Variants in PKN2 observed in about 807,000 individuals in gnomAD.
PKN2 encodes serine/threonine-protein kinase N2.
In PKN2, 38 loss-of-function variants were observed where a neutral mutation model predicts 119.1. That is an observed-to-expected ratio of 0.32 (90% CI 0.25 to 0.42). The LOEUF (loss-of-function observed/expected upper bound fraction) is 0.42. PKN2 is among the 10% of genes least tolerant of loss of function. PKN2 has a pLI of 1.00. For synonymous variants in PKN2, 390 were observed against 384.9 expected (o/e 1.01, Z -0.15); for missense variants, 850 against 1,165.1 (o/e 0.73, Z 3.94).
chr1:88,833,690 A>G lies in PKN2; in HGVS notation c.*242A>G, dbSNP rs141963409. ...TTCATGGAGTTTAAGTTGAGTGAAC[A>G]TCGGCCATGAAAATCCATCACGAAT... is the stretch of plus-strand genomic sequence containing the variant. On this transcript the variant is annotated 3_prime_UTR_variant, in exon 22 of 22. Coordinates refer to ENST00000370521, the MANE Select transcript of PKN2 (RefSeq NM_006256.4). 7.3e-4 allele frequency: 307 copies of G among 420,270 alleles called. No individual in the cohort carries two copies. Among genetic ancestry groups the G allele is most frequent in the African/African-American group, 5.6e-3 (272 of 48,692 alleles). The allele number at this position is 420,270 out of a possible 1,614,324, so 26.0% of individuals were successfully genotyped here.
intron 1 of PKN2, among the ~76,000 whole-genome samples, chr1:88,728,034 T>TC (rs1553149304): frequency 2.1e-5 from 3 of 145,274 alleles, no homozygotes; most frequent in East Asian, 3.9e-4. Flanking sequence ...TTTTTTTTTT[T>TC]ATTCTTTGGT....
intron 1 of PKN2, among the ~76,000 whole-genome samples, chr1:88,687,920 C>G (rs1161082923): frequency 6.6e-6 from 1 of 152,140 alleles, no homozygotes; most frequent in African/African-American, 2.4e-5. Context: ...AGACATTGTA[C>G]TTAGTGTCCT....
At chr1:88,775,971 G>A (rs1348724962) in intron 6 of PKN2, among the ~76,000 whole-genome samples, 1 of 151,986 alleles carries the variant, frequency 6.6e-6, no homozygotes, top group Non-Finnish European at 1.5e-5. Context: ...AGCCGGGCGT[G>A]GTGGCAGGCC....
intron 2 of PKN2, among the ~76,000 whole-genome samples, chr1:88,753,146 TA>T (rs1280305012): frequency 6.6e-6 from 1 of 152,232 alleles, no homozygotes; most frequent in Non-Finnish European, 1.5e-5. Context: ...CCCTAGCTTA[TA>T]TTTTACTGTC....
At chr1:88,736,609 C>A (rs1046749199) in intron 1 of PKN2, among the ~76,000 whole-genome samples, 6 of 152,208 alleles carry the variant, frequency 3.9e-5, no homozygotes, top group African/African-American at 1.4e-4. Flanking sequence ...AGGTAATCCA[C>A]CCACCTTAGC....
chr1:88,706,982 A>C (rs1411626068), intron 1 of PKN2, among the ~76,000 whole-genome samples: 6 of 151,712 alleles, frequency 4.0e-5, no homozygotes, highest in Non-Finnish European at 2.9e-5. Context: ...TGTTTTGGGA[A>C]CCATTGTTTT....
At chr1:88,775,131 A>G (rs1670042938) in intron 6 of PKN2, among the ~76,000 whole-genome samples, 1 of 150,976 alleles carries the variant, frequency 6.6e-6, no homozygotes, top group Non-Finnish European at 1.5e-5. Flanking sequence ...CGCTCAGCTT[A>G]TTTTATTTTT....
intron 17 of PKN2, among the ~76,000 whole-genome samples, chr1:88,822,294 C>T (rs754983707): frequency 5.3e-5 from 8 of 152,102 alleles, no homozygotes; most frequent in African/African-American, 1.9e-4. Context: ...TGCATTCAAA[C>T]GACTCATTGC....
chr1:88,813,388 TTAGG>T (rs1671857042), intron 15 of PKN2, among the ~76,000 whole-genome samples, 165 bp from the exon 16 acceptor site: 1 of 152,178 alleles, frequency 6.6e-6, no homozygotes, highest in South Asian at 2.1e-4. Flanking sequence ...GTTATTTATT[TTAGG>T]TAGGTCAGTT....
chr1:88,815,320 C>A, intron 16 of PKN2: 1 of 201,224 alleles, frequency 5.0e-6, no homozygotes, highest in South Asian at 7.0e-5. Context: ...AAGTACCTCC[C>A]TTTATCATTC....
In PKN2 at chr1:88,794,662, C is replaced by T. The variant is rs576391728; in HGVS notation, c.1281+8449C>T. On this transcript the variant is annotated intron_variant, in intron 8 of 21. Coordinates refer to ENST00000370521, the MANE Select transcript of PKN2 (RefSeq NM_006256.4). Reference sequence around the variant, plus strand: ...CTTGTACATAATGGTATTCAGTAAACGATAGCTCTTGTTATTGTTTTTCTT... The same window carrying T: ...CTTGTACATAATGGTATTCAGTAAATGATAGCTCTTGTTATTGTTTTTCTT... Among the ~76,000 whole-genome samples the T allele has an allele frequency of 3.9e-5, 6 of 152,202 alleles. No individual in the cohort carries two copies. The South Asian group carries it at 1.0e-3, about 26-fold the overall frequency.
At chr1:88,692,478 A>G (rs1226383164) in intron 1 of PKN2, among the ~76,000 whole-genome samples, 3 of 152,212 alleles carry the variant, frequency 2.0e-5, no homozygotes, top group Non-Finnish European at 4.4e-5. Context: ...TATTCATATT[A>G]GCAATATATG....
At position 88,828,461 on chromosome 1, in the gene PKN2, T is replaced by G; in HGVS notation, c.2420-20T>G. The G allele has an allele frequency of 6.4e-7, 1 of 1,569,928 alleles. No individual in the cohort carries two copies. Among genetic ancestry groups the G allele is most frequent in the Non-Finnish European group, 8.7e-7 (1 of 1,150,820 alleles). ...ATTTGTTTTCTTTGCTAACAAATGT[T>G]TACATTTTATCTTTTCCAGGAATGG... On this transcript the variant is annotated intron_variant, in intron 18 of 21. Coordinates refer to ENST00000370521, the MANE Select transcript of PKN2 (RefSeq NM_006256.4).
chr1:88,771,915 T>C, intron 6 of PKN2, 36 bp downstream of exon 6: 2 of 1,425,536 alleles, frequency 1.4e-6, no homozygotes, highest in Non-Finnish European at 2.0e-6. Flanking sequence ...TTGTGTGTAT[T>C]TTTGTCTATA....
At chr1:88,773,024 C>A (rs138404753) in intron 6 of PKN2, among the ~76,000 whole-genome samples, 1 of 152,056 alleles carries the variant, frequency 6.6e-6, no homozygotes, top group Non-Finnish European at 1.5e-5. Context: ...ATCTTCTAGA[C>A]GGATTGACTC....
At chr1:88,771,338 A>G (rs1395240029) in intron 4 of PKN2, 83 bp from the exon 5 acceptor site, 1 of 961,662 alleles carries the variant, frequency 1.0e-6, no homozygotes, top group African/African-American at 1.7e-5. Flanking sequence ...TGTTATAGGA[A>G]TTCATTTCTT....
At chr1:88,706,487 A>T (rs911458792) in intron 1 of PKN2, among the ~76,000 whole-genome samples, 1 of 152,108 alleles carries the variant, frequency 6.6e-6, no homozygotes, top group South Asian at 2.1e-4. Context: ...GCTTGGTTGC[A>T]CTGGCTATGA....
intron 1 of PKN2, among the ~76,000 whole-genome samples, chr1:88,732,003 AT>A (rs1668159984): frequency 6.6e-6 from 1 of 152,246 alleles, no homozygotes; most frequent in Non-Finnish European, 1.5e-5. Flanking sequence ...TACCAAATAC[AT>A]ATTATCACAT....
In PKN2 at chr1:88,815,985, C is replaced by G. The variant is rs530208536; in HGVS notation, c.2279+2252C>G. On this transcript the variant is annotated intron_variant, in intron 16 of 21. Transcript: ENST00000370521. The stretch of plus-strand genomic sequence containing the variant: ...TGAAACCCTGTCTATACTAAAAATA[C>G]AAAAATTAGCTGGGCATGGTGGCAG... Among the ~76,000 whole-genome samples, 9 of 151,800 alleles carry G rather than the reference C, an allele frequency of 5.9e-5. No individual in the cohort carries two copies. The South Asian group carries it at 1.5e-3, about 25-fold the overall frequency.
Sources: allele counts gnomAD v4.1 joint callset (sites outside exome capture counted in the v4.1 genomes callset), GRCh38; gene constraint gnomAD v4.1.1; transcripts MANE v1.5; gene names NCBI Gene and HGNC (gene_info 2026-07-23, HGNC 2026-07-21).